Variants in WWP2 observed in about 807,000 individuals in gnomAD.
The protein encoded by WWP2 is WW domain containing E3 ubiquitin protein ligase 2, also known as NEDD4-like E3 ubiquitin-protein ligase WWP2.
In WWP2, 57 loss-of-function variants were observed where a neutral mutation model predicts 121.0. The observed-to-expected ratio is 0.47, with a 90% confidence interval of 0.38 to 0.59. WWP2 has a LOEUF of 0.59. Among genes scored for constraint, WWP2 ranks in the 20% least tolerant of loss-of-function variants. The pLI, the probability that WWP2 is intolerant of heterozygous loss-of-function variation, is 0.00. For missense variants in WWP2, 962 were observed against 1,158.9 expected (o/e 0.83, Z 2.47); for synonymous variants, 449 against 441.3 (o/e 1.02, Z -0.22).
chr16:69,882,790 A>C lies in WWP2; in HGVS notation c.704-5249A>C, dbSNP rs181947141. ...AGATGGGTGCAGTCCTTTTGGGGAG[A>C]TATGGGTGTACATCAAATAATTAGG... On this transcript the variant is annotated intron_variant, in intron 7 of 23. Transcript: ENST00000359154. Among the ~76,000 whole-genome samples, 30 of 152,288 alleles carry C rather than the reference A, an allele frequency of 2.0e-4. 1 individual carries two copies. Among genetic ancestry groups the C allele is most frequent in the Non-Finnish European group, 2.9e-5 (2 of 68,020 alleles).
At chr16:69,831,645 C>A (rs1458110408) in intron 4 of WWP2, among the ~76,000 whole-genome samples, 2 of 152,098 alleles carry the variant, frequency 1.3e-5, no homozygotes, top group Admixed American at 6.6e-5. Context: ...CTTGAAGCCA[C>A]TTGCAAATCT....
At chr16:69,910,420 T>C in intron 9 of WWP2, 1 of 962,360 alleles carries the variant, frequency 1.0e-6, no homozygotes, top group Non-Finnish European at 1.2e-6. Context: ...TGTGGCTTTT[T>C]TTTTTTTAGA....
chr16:69,852,359 C>T (rs1032756707), intron 6 of WWP2, among the ~76,000 whole-genome samples: 1 of 150,978 alleles, frequency 6.6e-6, no homozygotes, highest in Non-Finnish European at 1.5e-5. Context: ...TTACTGCACC[C>T]TCCACCTCCT....
chr16:69,936,482 C>T (rs968100008), intron 19 of WWP2, 30 bp downstream of exon 19: 4 of 1,612,454 alleles, frequency 2.5e-6, no homozygotes, highest in African/African-American at 1.3e-5. Flanking sequence ...GGCTCCGCTC[C>T]AGGGGTGGCG....
At chr16:69,770,129 T>A (rs1363581979) in intron 1 of WWP2, among the ~76,000 whole-genome samples, 1 of 152,174 alleles carries the variant, frequency 6.6e-6, no homozygotes, top group African/African-American at 2.4e-5. Flanking sequence ...CCCAAAGTGC[T>A]GAGATTACAG....
chr16:69,873,945 G>A (rs2047597), intron 7 of WWP2, among the ~76,000 whole-genome samples: 143,414 of 152,282 alleles, frequency 0.94, 67,629 homozygotes, highest in East Asian at 1. Flanking sequence ...ACCATTACTT[G>A]TTGTCCTTAT....
chr16:69,908,731 T>C lies in WWP2; in HGVS notation c.915-30T>C, dbSNP rs369118169. ...GGGGCCTATGCCTTTCCACTGTGTG[T>C]CTCATGCTACCCTTGACTTTATTTT... On this transcript the variant is annotated intron_variant, in intron 8 of 23. Transcript: ENST00000359154. 2.3e-5 allele frequency: 37 copies of C among 1,613,736 alleles called. No individual in the cohort carries two copies. The African/African-American group carries it at 4.0e-4, about 17-fold the overall frequency.
rs142474500 is a variant in WWP2, at chr16:69,895,884, G to A, written c.914+7635G>A. On this transcript the variant is annotated intron_variant, in intron 8 of 23. Transcript: ENST00000359154. ...ATCAGATTAAAGGATTACACTGAGCGTCTGTGTCTTTCCTCCAGTTTGTTT... is the reference window on the plus strand; with the variant it reads ...ATCAGATTAAAGGATTACACTGAGCATCTGTGTCTTTCCTCCAGTTTGTTT... Among the ~76,000 whole-genome samples the A allele has an allele frequency of 1.6e-3, 248 of 152,306 alleles. 2 individuals are homozygous for A. Among genetic ancestry groups the A allele is most frequent in the African/African-American group, 4.6e-3 (190 of 41,568 alleles).
In WWP2 at chr16:69,849,488, TTC is replaced by T. The variant is rs1387016799; in HGVS notation, c.575+7369_575+7370del. 5.3e-3 allele frequency among the ~76,000 whole-genome samples: 812 copies of T among 152,032 alleles called. 7 individuals are homozygous for T. The highest frequency in any genetic ancestry group is 0.018 in the African/African-American group (767 of 41,470). Reference sequence around the variant, plus strand: ...TGTTATTTATTTATTTATTTATTCATTCATTCATTCATTCATTCATTCATTCA... The same window carrying T: ...TGTTATTTATTTATTTATTTATTCATATTCATTCATTCATTCATTCATTCA... On this transcript the variant is annotated intron_variant, in intron 6 of 23. Transcript: ENST00000359154.
Position 69,925,838 on chromosome 16 carries a change from A to G in WWP2, c.1234+354A>G, listed in dbSNP as rs13333427. 13,300 of 221,980 alleles carry G rather than the reference A, an allele frequency of 0.06. 772 individuals are homozygous for G. The highest frequency in any genetic ancestry group is 0.29 in the East Asian group (3,164 of 10,944). The allele number at this position is 221,980 out of a possible 1,614,324, so 13.8% of individuals were successfully genotyped here. A position where few individuals can be genotyped will look rare whatever the true frequency, so the allele number is the denominator to read the frequency against. ...CCACTAAGATATTTTGACACTGCCT[A>G]ACTCCCAAATGGATTTGTTTCAGAT... On this transcript the variant is annotated intron_variant, in intron 11 of 23. Coordinates refer to ENST00000359154, the MANE Select transcript of WWP2 (RefSeq NM_001270454.2). This position sits in a 1 kb window ranked among gnomAD's most constrained non-coding sequence, Gnocchi z 4.0.
At chr16:69,825,631 G>GTTTTTTT (rs1261596251) in intron 4 of WWP2, among the ~76,000 whole-genome samples, 1 of 141,036 alleles carries the variant, frequency 7.1e-6, no homozygotes, top group Non-Finnish European at 1.6e-5. Context: ...TTTTTTTTTG[G>GTTTTTTT]TTTTTTTTTT....
chr16:69,850,386 C>CAAAA (rs575466932), intron 6 of WWP2, among the ~76,000 whole-genome samples: 2 of 118,530 alleles, frequency 1.7e-5, no homozygotes, highest in Admixed American at 8.8e-5. Flanking sequence ...GACTCCATCT[C>CAAAA]AAAAAAAAAA....
Position 69,842,090 on chromosome 16 carries a change from C to G in WWP2, c.545C>G (p.Pro182Arg). ...GCTCCAGAGAACCGGCACCAGCCCC[C>G]CAGCACAAACTGCTTTGGTGGAAGA... ...AVAPENRHQPPSTNCFGGRSR... is the reference protein window; with the variant it reads ...AVAPENRHQPRSTNCFGGRSR... Residue 182 changes from proline to arginine, a missense_variant, in exon 6 of 24, where the codon CCC (proline) becomes CGC (arginine). This residue lies in a region of WWP2 where 211 missense variants were observed against 196.5 expected (regional missense o/e 1.07). Coordinates refer to ENST00000359154, the MANE Select transcript of WWP2 (RefSeq NM_001270454.2). 1 of 1,613,334 alleles carries G rather than the reference C, an allele frequency of 6.2e-7. No individual in the cohort carries two copies. The highest frequency in any genetic ancestry group is 8.5e-7 in the Non-Finnish European group (1 of 1,179,778).
chr16:69,882,770 G>A (rs1427846467), intron 7 of WWP2, among the ~76,000 whole-genome samples: 2 of 152,170 alleles, frequency 1.3e-5, no homozygotes, highest in Non-Finnish European at 2.9e-5. Flanking sequence ...TCTCAAGATG[G>A]GTGCAGTCCT....
At chr16:69,895,787 G>C (rs899118277) in intron 8 of WWP2, among the ~76,000 whole-genome samples, 7 of 152,140 alleles carry the variant, frequency 4.6e-5, no homozygotes, top group Non-Finnish European at 7.4e-5. Context: ...GTTTCTAAGT[G>C]CTTAGAAACT....
chr16:69,921,269 T>G (rs1427082568), intron 10 of WWP2, among the ~76,000 whole-genome samples: 1 of 152,204 alleles, frequency 6.6e-6, no homozygotes. Context: ...TGGTTACAAG[T>G]AAGAAGGGTT....
chr16:69,825,095 T>G (rs1372886432), intron 4 of WWP2, among the ~76,000 whole-genome samples: 2 of 152,072 alleles, frequency 1.3e-5, no homozygotes, highest in Non-Finnish European at 2.9e-5. Context: ...ATATTTGTGC[T>G]TGTGTTTGCA....
Position 69,799,118 on chromosome 16 carries a change from T to C in WWP2, c.219-56T>C. 1 of 1,562,586 alleles carries C rather than the reference T, an allele frequency of 6.4e-7. No individual in the cohort carries two copies. Among genetic ancestry groups the C allele is most frequent in the Non-Finnish European group, 8.6e-7 (1 of 1,156,292 alleles). ...CAGCAGTTTAGTTTAAATGTTTTCTTCTAAGTTATAGGAATGATCTGCTTG... is the reference window on the plus strand; with the variant it reads ...CAGCAGTTTAGTTTAAATGTTTTCTCCTAAGTTATAGGAATGATCTGCTTG... On this transcript the variant is annotated intron_variant, in intron 3 of 23. Coordinates refer to ENST00000359154, the MANE Select transcript of WWP2 (RefSeq NM_001270454.2). This position sits in a 1 kb window ranked among gnomAD's most constrained non-coding sequence, Gnocchi z 4.5.
chr16:69,800,563 T>C (rs1597689150), intron 4 of WWP2, among the ~76,000 whole-genome samples: 2 of 120,558 alleles, frequency 1.7e-5, no homozygotes, highest in African/African-American at 7.5e-5. Flanking sequence ...TAGTTATTGT[T>C]TTTTCTTTTT....
Sources: allele counts gnomAD v4.1 joint callset (sites outside exome capture counted in the v4.1 genomes callset), GRCh38; gene constraint gnomAD v4.1.1; regional missense constraint gnomAD v4.1.1; non-coding constraint Gnocchi (gnomAD v3.1); transcripts MANE v1.5; gene names NCBI Gene and HGNC (gene_info 2026-07-23, HGNC 2026-07-21).